The following KRT8 variants were observed in gnomAD, a reference collection of about 807,000 sequenced individuals.
The protein encoded by KRT8 is keratin 8, also known as keratin, type II cytoskeletal 8.
KRT8 carries 24 observed loss-of-function variants against 43.0 expected under a neutral mutation model. The observed-to-expected ratio is 0.56, with a 90% CI of 0.40 to 0.78. KRT8 has a LOEUF of 0.78. KRT8 is among the 30% of genes least tolerant of loss of function. KRT8 has a pLI of 0.00. For missense variants in KRT8, 492 were observed against 638.4 expected (o/e 0.77, Z 2.47); for synonymous variants, 214 against 261.2 (o/e 0.82, Z 1.74).
At chr12:52,916,442 G>T (rs889733224) in intron 2 of KRT8, among the ~76,000 whole-genome samples, 2 of 152,202 alleles carry the variant, frequency 1.3e-5, no homozygotes, top group Non-Finnish European at 2.9e-5. Context: ...AGCACCTTCT[G>T]TTCCAGCTAG....
At chr12:52,941,130 G>A (rs1049721353) in intron 2 of KRT8, among the ~76,000 whole-genome samples, 11 of 148,982 alleles carry the variant, frequency 7.4e-5, no homozygotes, top group South Asian at 2.1e-4. Context: ...GCAATGGCGC[G>A]ATCTTGGCTC....
chr12:52,900,380 TG>T, intron 4 of KRT8, among the ~76,000 whole-genome samples: 1 of 152,308 alleles, frequency 6.6e-6, no homozygotes, highest in South Asian at 2.1e-4. Flanking sequence ...GTCTGTGAAA[TG>T]GGGTAATGAC....
At chr12:52,938,159 TATATA>T (rs1565732930) in intron 2 of KRT8, among the ~76,000 whole-genome samples, 15 of 40,388 alleles carry the variant, frequency 3.7e-4, no homozygotes, top group African/African-American at 1.9e-3. Context: ...TATATATATA[TATATA>T]TATATATTTT....
intron 2 of KRT8, among the ~76,000 whole-genome samples, chr12:52,919,359 C>T (rs1302524220): frequency 1.3e-5 from 2 of 152,100 alleles, no homozygotes; most frequent in Non-Finnish European, 2.9e-5. Flanking sequence ...CTTCGCTTCC[C>T]GGGTTCAAGC....
chr12:52,938,170 A>ATTTTTTTT lies in KRT8; in HGVS notation c.-47+11278_-47+11285dup, dbSNP rs780140219. On this transcript the variant is annotated intron_variant, in intron 2 of 6. Transcript: ENST00000546826. ...TATATATATATATATATATATATAT[A>ATTTTTTTT]TTTTTTTTTTTTTTTATATATAAGG... Among the ~76,000 whole-genome samples the ATTTTTTTT allele has an allele frequency of 5.7e-3, 171 of 30,258 alleles. 9 individuals carry two copies. Among genetic ancestry groups the ATTTTTTTT allele is most frequent in the Non-Finnish European group, 8.4e-3 (142 of 16,914 alleles). The allele number at this position is 30,258 out of a possible 152,430, so 19.9% of individuals were successfully genotyped here.
At chr12:52,918,134 GGGGAGA>G (rs1355217619) in intron 2 of KRT8, among the ~76,000 whole-genome samples, 3 of 135,236 alleles carry the variant, frequency 2.2e-5, no homozygotes, top group African/African-American at 8.3e-5. Flanking sequence ...GAAGAAGGAG[GGGGAGA>G]GGGAGAGGGA....
At chr12:52,937,691 A>C (rs1269309743) in intron 2 of KRT8, among the ~76,000 whole-genome samples, 1 of 150,754 alleles carries the variant, frequency 6.6e-6, no homozygotes, top group Non-Finnish European at 1.5e-5. Context: ...CTGTCTCAAA[A>C]AAAAAAAAAA....
intron 2 of KRT8, among the ~76,000 whole-genome samples, chr12:52,920,164 CAA>C (rs1941853939): frequency 6.6e-6 from 1 of 152,166 alleles, no homozygotes; most frequent in Admixed American, 6.5e-5. Flanking sequence ...GTCAATAACT[CAA>C]AAGGGAGGAT....
chr12:52,942,571 C>T (rs566329655), intron 2 of KRT8, among the ~76,000 whole-genome samples: 6 of 152,250 alleles, frequency 3.9e-5, no homozygotes, highest in East Asian at 1.9e-4. Flanking sequence ...ACCTCAGTCC[C>T]GGGCTTCCTC....
At chr12:52,943,739 C>T (rs577094930) in intron 2 of KRT8, among the ~76,000 whole-genome samples, 1 of 152,326 alleles carries the variant, frequency 6.6e-6, no homozygotes, top group Non-Finnish European at 1.5e-5. Flanking sequence ...GCATCCATAC[C>T]TCCTGCCCCA....
intron 2 of KRT8, among the ~76,000 whole-genome samples, chr12:52,929,224 C>T (rs1327894777): frequency 3.4e-5 from 5 of 146,174 alleles, no homozygotes; most frequent in South Asian, 2.2e-4. Flanking sequence ...CTCACTCATT[C>T]GCCCAGGCTA....
chr12:52,900,678 C>G, exon 4 of KRT8: 1 of 1,611,328 alleles, frequency 6.2e-7, no homozygotes, highest in South Asian at 1.1e-5. Context: ...AAGCTTCATC[C>G]ACATCCTGGG....
At chr12:52,936,192 C>T (rs956386098) in intron 2 of KRT8, among the ~76,000 whole-genome samples, 9 of 151,806 alleles carry the variant, frequency 5.9e-5, no homozygotes, top group East Asian at 1.9e-4. Context: ...GCACAGGTTG[C>T]GGTGAGCTGA....
chr12:52,906,750 T>C, upstream of KRT8: 1 of 455,838 alleles, frequency 2.2e-6, no homozygotes, highest in Non-Finnish European at 4.4e-6. Flanking sequence ...CAGATCCCCT[T>C]GAGGAGAGGG....
At chr12:52,908,023 C>G (rs1941559173), upstream of KRT8, among the ~76,000 whole-genome samples, 1 of 152,232 alleles carries the variant, frequency 6.6e-6, no homozygotes, top group Non-Finnish European at 1.5e-5. Flanking sequence ...AACCGCCTTT[C>G]CTGGAGAGTG....
At chr12:52,938,172 T>TATATATATATA (rs1565733045) in intron 2 of KRT8, among the ~76,000 whole-genome samples, 31 of 22,384 alleles carry the variant, frequency 1.4e-3, no homozygotes, top group African/African-American at 5.4e-3. Context: ...ATATATATAT[T>TATATATATATA]TTTTTTTTTT....
At chr12:52,923,253 A>G (rs1040061161) in intron 2 of KRT8, among the ~76,000 whole-genome samples, 1 of 152,246 alleles carries the variant, frequency 6.6e-6, no homozygotes, top group Admixed American at 6.5e-5. Flanking sequence ...AAGAATGTGC[A>G]GTAGCAGGAA....
At chr12:52,898,600 G>C in intron 6 of KRT8, 79 bp downstream of exon 6, 1 of 1,611,228 alleles carries the variant, frequency 6.2e-7, no homozygotes, top group Non-Finnish European at 8.5e-7. Context: ...GTCCCAAGGG[G>C]CTTCAGGGGG....
intron 2 of KRT8, among the ~76,000 whole-genome samples, chr12:52,929,188 CTTTT>C (rs59896088): frequency 1.5e-5 from 2 of 132,906 alleles, no homozygotes; most frequent in Non-Finnish European, 1.6e-5. Flanking sequence ...TCCTTCCTTT[CTTTT>C]TTTTTTTTTT....
Sources: gnomAD v4.1 joint callset for allele counts (sites outside exome capture counted in the v4.1 genomes callset) on GRCh38, gnomAD v4.1.1 for gene constraint, MANE v1.5 for transcripts, NCBI Gene and HGNC (gene_info 2026-07-23, HGNC 2026-07-21) for gene names.